The following ATAD3A variants were observed in gnomAD, a reference collection of about 807,000 sequenced individuals.
ATAD3A encodes ATPase family AAA domain-containing protein 3A.
A neutral mutation model predicts 73.8 loss-of-function variants in ATAD3A; 46 were observed. The ratio of observed to expected loss-of-function variants is 0.62; its 90% CI spans 0.49 to 0.80. ATAD3A has a LOEUF of 0.80. Among genes scored for constraint, ATAD3A ranks in the 30% least tolerant of loss-of-function variants. ATAD3A has a pLI of 0.00. For synonymous variants in ATAD3A, 319 were observed against 350.0 expected, an observed-to-expected ratio of 0.91 and a Z score of 0.99; for missense variants, 705 against 838.0, an observed-to-expected ratio of 0.84 and a Z score of 1.96.
chr1:1,524,239 A>G (rs748468472), intron 10 of ATAD3A, 34 bp from the exon 11 acceptor site: 7 of 1,613,620 alleles, frequency 4.3e-6, no homozygotes, highest in African/African-American at 1.3e-5. Context: ...CGGAGGGAAC[A>G]TCTGCTCTGT....
rs9439459 is a variant in ATAD3A at position 1,516,109 on chromosome 1, T to C, written c.282+21T>C. ...TCAAAGTGAGTGGGGCCGGTGTGGG[T>C]GGGGAGGCCGGGGCGCACATGGGGT... On this transcript the variant is annotated intron_variant, in intron 2 of 15. Coordinates refer to ENST00000378756, the MANE Select transcript of ATAD3A (RefSeq NM_001170535.3). 0.073 allele frequency: 116,938 copies of C among 1,611,876 alleles called. 14,966 individuals carry two copies. The highest frequency in any genetic ancestry group is 0.44 in the African/African-American group (32,939 of 74,698).
At chr1:1,524,700 G>A (rs1462728704) in intron 11 of ATAD3A, among the ~76,000 whole-genome samples, 112 of 137,116 alleles carry the variant, frequency 8.2e-4, no homozygotes, top group Admixed American at 3.4e-3. Context: ...CTCCACAGCC[G>A]CCCTCCCCCC....
intron 4 of ATAD3A, among the ~76,000 whole-genome samples, chr1:1,518,663 G>A (rs1224714439): frequency 1.8e-4 from 5 of 27,336 alleles, no homozygotes; most frequent in Non-Finnish European, 2.8e-4. Flanking sequence ...CCCCCCGCAC[G>A]GGTACACACA....
chr1:1,533,452 G>C (rs564530516), intron 15 of ATAD3A, among the ~76,000 whole-genome samples: 1 of 152,198 alleles, frequency 6.6e-6, no homozygotes, highest in Non-Finnish European at 1.5e-5. Context: ...GGAGGACAGG[G>C]AGGTGGGGGC....
At chr1:1,531,157 T>TA (rs1222441527) in intron 15 of ATAD3A, among the ~76,000 whole-genome samples, 25 of 150,272 alleles carry the variant, frequency 1.7e-4, no homozygotes, top group Admixed American at 6.6e-5. Flanking sequence ...GACTCCATCT[T>TA]AAAAAAATAG....
rs1570313707 is a variant in ATAD3A, at chr1:1,512,493, G to T, written c.205+20G>T. ...ACTCGCGTGAGTGCGGCGGGGCGGG[G>T]CGGCGCGGGCGGGCGGGCGGGACGG... On this transcript the variant is annotated intron_variant, in intron 1 of 15. Transcript: ENST00000378756. 19 of 1,116,204 alleles carry T rather than the reference G, an allele frequency of 1.7e-5. No individual in the cohort carries two copies. Among genetic ancestry groups the T allele is most frequent in the Non-Finnish European group, 2.0e-5 (19 of 956,470 alleles). 69.1% of individuals were successfully genotyped at this position (1,116,204 alleles called of 1,614,324 possible). A position where few individuals can be genotyped will look rare whatever the true frequency, so the allele number is the denominator to read the frequency against.
At position 1,524,317 on chromosome 1, in the gene ATAD3A, C is replaced by T. The variant is rs150316055; in HGVS notation, c.1134C>T (p.Gly378=). 72 of 1,613,430 alleles carry T rather than the reference C, an allele frequency of 4.5e-5. No homozygotes were observed. The highest frequency in any genetic ancestry group is 3.3e-4 in the Middle Eastern group (2 of 6,054). The change falls in exon 11 of 16, where the codon GGC becomes GGT. Residue 378 remains glycine, a synonymous_variant. Transcript: ENST00000378756. The part of the protein sequence containing the change: ...HSGMDYAIMT[G]GDVAPMGREG... ...GCATGGACTACGCCATCATGACAGG[C>T]GGGGACGTGGCCCCCATGGGGCGGG...
At position 1,520,128 on chromosome 1, in the gene ATAD3A, C is replaced by G. The variant is rs1262374506; in HGVS notation, c.515-13C>G. On this transcript the variant is annotated splice_polypyrimidine_tract_variant and intron_variant, in intron 5 of 15. Coordinates refer to ENST00000378756, the MANE Select transcript of ATAD3A (RefSeq NM_001170535.3). This position sits in a 1 kb window ranked among gnomAD's most constrained non-coding sequence, Gnocchi z 4.0. ...ACTGCATGGTGCTGAGCTGCCCTGCCTCTCTGGGGCAGCCACCGTGGAGCG... is the reference window on the plus strand; with the variant it reads ...ACTGCATGGTGCTGAGCTGCCCTGCGTCTCTGGGGCAGCCACCGTGGAGCG... 1.2e-6 allele frequency: 2 copies of G among 1,607,790 alleles called. No homozygotes were observed. The highest frequency in any genetic ancestry group is 1.7e-6 in the Non-Finnish European group (2 of 1,178,528).
At position 1,520,742 on chromosome 1, in the gene ATAD3A, GC is replaced by G; in HGVS notation, c.750+128del. ...CTGTAGCTCTCCCAGCAGGGAGGAA[GC>G]CCACGTTGTACCTGCTGGCCTCGGC... On this transcript the variant is annotated intron_variant, in intron 7 of 15. Transcript: ENST00000378756. The surrounding 1 kb of genome is among the most constrained non-coding windows in gnomAD (Gnocchi z 4.0). 6.8e-7 allele frequency: 1 copy of G among 1,475,256 alleles called. No homozygotes were observed. Among genetic ancestry groups the G allele is most frequent in the Non-Finnish European group, 9.3e-7 (1 of 1,080,084 alleles). The allele number at this position is 1,475,256 out of a possible 1,614,324, so 91.4% of individuals were successfully genotyped here.
intron 1 of ATAD3A, among the ~76,000 whole-genome samples, chr1:1,515,038 T>C (rs1327876491): frequency 1.3e-5 from 2 of 152,120 alleles, no homozygotes; most frequent in South Asian, 2.1e-4. Flanking sequence ...TGTGCCCTGC[T>C]CTTTTTTTGT....
At position 1,523,530 on chromosome 1, in the gene ATAD3A, G is replaced by A. The variant is rs1641681918; in HGVS notation, c.926G>A (p.Ser309Asn). Residue 309 changes from serine to asparagine, a missense_variant, in exon 9 of 16, where the codon AGT (serine) becomes AAT (asparagine). Physicochemically the swap from Ser to Asn is conservative, Grantham distance 46. Transcript: ENST00000378756. The surrounding 1 kb of genome is among the most constrained non-coding windows in gnomAD (Gnocchi z 5.1). ...CGGCAGGTCAGCCGGCGGCTCCTCA[G>A]TCGACCCCAGGACGCGCTGGAGGGT... is the stretch of plus-strand genomic sequence containing the variant. ...HPIQVSRRLL[S>N]RPQDALEGVV... The A allele has an allele frequency of 1.9e-6, 3 of 1,612,958 alleles. No individual in the cohort carries two copies. The highest frequency in any genetic ancestry group is 2.5e-6 in the Non-Finnish European group (3 of 1,179,658).
intron 13 of ATAD3A, chr1:1,527,237 A>C (rs759437556): frequency 1.5e-6 from 2 of 1,296,324 alleles, no homozygotes; most frequent in Non-Finnish European, 1.0e-6. Flanking sequence ...TTGGGCTCCC[A>C]GGTCAGCTGC....
Position 1,534,153 on chromosome 1 carries a change from G to A in ATAD3A, c.*81G>A. On this transcript the variant is annotated 3_prime_UTR_variant, in exon 16 of 16. Transcript: ENST00000378756. ...GCCTTGCCGGCCCCTGCACATTTAG[G>A]ATATGCTCCTGGGTGGGGACTGGGC... The A allele has an allele frequency of 1.2e-6, 2 of 1,605,522 alleles. No homozygotes were observed. The highest frequency in any genetic ancestry group is 2.2e-5 in the South Asian group (2 of 90,594).
chr1:1,521,339 A>G (rs1031626164), intron 7 of ATAD3A, among the ~76,000 whole-genome samples: 2 of 148,708 alleles, frequency 1.3e-5, no homozygotes, highest in South Asian at 2.1e-4. Flanking sequence ...ACCAGAAGGC[A>G]ACCCTGACTC....
chr1:1,523,790 C>G lies in ATAD3A; in HGVS notation c.964-49C>G. On this transcript the variant is annotated intron_variant, in intron 9 of 15. Coordinates refer to ENST00000378756, the MANE Select transcript of ATAD3A (RefSeq NM_001170535.3). This position sits in a 1 kb window ranked among gnomAD's most constrained non-coding sequence, Gnocchi z 5.1. ...ATTCCCGCAGCCCCTTCCCCTGAGG[C>G]TTCCATGGGTGCACAGTGTCTCCTC... is the stretch of plus-strand genomic sequence containing the variant. 2 of 1,612,400 alleles carry G rather than the reference C, an allele frequency of 1.2e-6. No homozygotes were observed. The highest frequency in any genetic ancestry group is 1.7e-6 in the Non-Finnish European group (2 of 1,179,314).
At chr1:1,526,926 G>A (rs1314387947) in intron 13 of ATAD3A, among the ~76,000 whole-genome samples, 1 of 152,100 alleles carries the variant, frequency 6.6e-6, no homozygotes, top group African/African-American at 2.4e-5. Context: ...TTGCTCCCAC[G>A]GGAAGTTGGA....
In ATAD3A at chr1:1,518,924, C is replaced by G. The variant is rs577418463; in HGVS notation, c.448C>G (p.Leu150Val). The change falls in exon 5 of 16, where the codon CTT becomes GTT. Residue 150 changes from leucine to valine, a missense_variant. Coordinates refer to ENST00000378756, the MANE Select transcript of ATAD3A (RefSeq NM_001170535.3). The part of the protein sequence containing the change: ...RYEDQLKQQQ[L>V]LNEENLRKQE... ...TTTTTCTGCGGCTTCTTCTCAGCAA[C>G]TTCTCAATGAGGAGAATTTACGGAA... The G allele has an allele frequency of 1.5e-5, 24 of 1,614,028 alleles. No individual in the cohort carries two copies. The highest frequency in any genetic ancestry group is 2.0e-5 in the Non-Finnish European group (24 of 1,179,996).
intron 1 of ATAD3A, among the ~76,000 whole-genome samples, chr1:1,513,861 C>CG (rs946117484): frequency 6.6e-6 from 1 of 152,086 alleles, no homozygotes; most frequent in Non-Finnish European, 1.5e-5. Flanking sequence ...TCCAGGCAAA[C>CG]GGGCGGCTCC....
chr1:1,525,852 C>T (rs773259957), intron 12 of ATAD3A, among the ~76,000 whole-genome samples: 2 of 152,064 alleles, frequency 1.3e-5, no homozygotes, highest in African/African-American at 2.4e-5. Context: ...ACTGCAGGGG[C>T]ACAGTGGAAT....
Sources: allele counts gnomAD v4.1 joint callset (sites outside exome capture counted in the v4.1 genomes callset), GRCh38; gene constraint gnomAD v4.1.1; non-coding constraint Gnocchi (gnomAD v3.1); transcripts MANE v1.5; gene names NCBI Gene and HGNC (gene_info 2026-07-23, HGNC 2026-07-21).